The following PTPN14 variants were observed in gnomAD, a reference collection of about 807,000 sequenced individuals.
PTPN14 encodes the protein protein tyrosine phosphatase non-receptor type 14.
A neutral mutation model predicts 126.8 loss-of-function variants in PTPN14; 53 were observed. The ratio of observed to expected loss-of-function variants is 0.42; its 90% confidence interval spans 0.34 to 0.53. The LOEUF (loss-of-function observed/expected upper bound fraction) is 0.53. Ranked by LOEUF, PTPN14 falls within the 20% of genes least tolerant of loss-of-function variation. The probability of loss-of-function intolerance (pLI) is 0.08; values close to 1 mark genes in which losing one functional copy is unlikely to be tolerated. For missense variants in PTPN14, 1,257 were observed against 1,552.9 expected (o/e 0.81, Z 3.20); for synonymous variants, 630 against 599.3 (o/e 1.05, Z -0.75).
chr1:214,427,056 G>GGT (rs1460500429), intron 3 of PTPN14, among the ~76,000 whole-genome samples: 2 of 151,986 alleles, frequency 1.3e-5, no homozygotes, highest in Non-Finnish European at 2.9e-5. Context: ...CGAGGCGGGC[G>GGT]GATCACAAGG....
intron 2 of PTPN14, among the ~76,000 whole-genome samples, chr1:214,464,344 G>A (rs1161605081): frequency 1.3e-5 from 2 of 151,920 alleles, no homozygotes; most frequent in Non-Finnish European, 2.9e-5. Context: ...GACTTTGGTG[G>A]GGAGAGTCTC....
Position 214,401,747 on chromosome 1 carries a change from G to C in PTPN14, c.607C>G (p.Leu203Val). 6.3e-7 allele frequency: 1 copy of C among 1,592,682 alleles called. No homozygotes were observed. Among genetic ancestry groups the C allele is most frequent in the Non-Finnish European group, 8.6e-7 (1 of 1,162,212 alleles). ...HSGILPAEAE[L>V]MYINEVERLD... Reference sequence around the variant, plus strand: ...CGTTCAACTTCATTGATGTACATCAGTTCAGCTTCTGCTGGCAGGATTCCA... The same window carrying C: ...CGTTCAACTTCATTGATGTACATCACTTCAGCTTCTGCTGGCAGGATTCCA... The change falls in exon 7 of 19, where the codon CTG becomes GTG. Residue 203 changes from leucine to valine, a missense_variant. By Grantham distance (32) the Leu-to-Val change is conservative. Transcript: ENST00000366956.
In PTPN14 at chr1:214,467,854, C is replaced by T. The variant is rs141719596; in HGVS notation, c.-154-2897G>A. On this transcript the variant is annotated intron_variant, in intron 1 of 18. Transcript: ENST00000366956. ...AAAGACTTTTAAAATCTCCAGTTGACAAAAATACTTGCAAGATACGGTATC... is the reference window on the plus strand; with the variant it reads ...AAAGACTTTTAAAATCTCCAGTTGATAAAAATACTTGCAAGATACGGTATC... Among the ~76,000 whole-genome samples the T allele has an allele frequency of 8.2e-3, 1,244 of 152,110 alleles. 5 individuals carry two copies. The highest frequency in any genetic ancestry group is 0.014 in the Non-Finnish European group (922 of 67,992).
intron 1 of PTPN14, among the ~76,000 whole-genome samples, chr1:214,513,863 C>G (rs915372006): frequency 6.6e-6 from 1 of 152,118 alleles, no homozygotes. Flanking sequence ...AAAGTCGATT[C>G]TCATTAAATT....
chr1:214,527,167 C>A (rs1483827891), intron 1 of PTPN14, among the ~76,000 whole-genome samples: 2 of 152,032 alleles, frequency 1.3e-5, no homozygotes, highest in Non-Finnish European at 2.9e-5. Flanking sequence ...AGGAAAGCCC[C>A]CACCTTCTGC....
intron 5 of PTPN14, among the ~76,000 whole-genome samples, chr1:214,403,473 G>A (rs1209096513): frequency 2.0e-5 from 3 of 152,100 alleles, no homozygotes; most frequent in Admixed American, 1.3e-4. Flanking sequence ...AAGCCATGAC[G>A]GCTAAAACAT....
chr1:214,496,777 A>T lies in PTPN14; in HGVS notation c.-154-31820T>A, dbSNP rs151329831. ...ATGATTCAGTTTTAACTTAATATCT[A>T]ATTTGATCTATATTCCACAGAACTG... On this transcript the variant is annotated intron_variant, in intron 1 of 18. Coordinates refer to ENST00000366956, the MANE Select transcript of PTPN14 (RefSeq NM_005401.5). Among the ~76,000 whole-genome samples, 929 of 152,282 alleles carry T rather than the reference A, an allele frequency of 6.1e-3. 9 individuals carry two copies. Among genetic ancestry groups the T allele is most frequent in the African/African-American group, 0.022 (903 of 41,564 alleles).
At chr1:214,362,375 A>AG (rs1441011529) in intron 18 of PTPN14, among the ~76,000 whole-genome samples, 1 of 152,258 alleles carries the variant, frequency 6.6e-6, no homozygotes, top group Non-Finnish European at 1.5e-5. Flanking sequence ...ACCACGTCCC[A>AG]GCAAAGAATG....
Position 214,364,605 on chromosome 1 carries a change from G to A in PTPN14, c.3342C>T (p.His1114=), listed in dbSNP as rs1472851641. ...NSMLEGTKNR[H]PPIVVHCSAG... is the part of the protein sequence containing the mutation. ...CACTACAGTGGACCACGATGGGCGG[G>A]TGCCGGTTCTTGGTGCCTTCCAGCA... The change falls in exon 18 of 19, where the codon CAC becomes CAT. Residue 1114 remains histidine (H), a synonymous_variant. Coordinates refer to ENST00000366956, the MANE Select transcript of PTPN14 (RefSeq NM_005401.5). This position sits in a 1 kb window ranked among gnomAD's most constrained non-coding sequence, Gnocchi z 4.1. 3 of 1,614,114 alleles carry A rather than the reference G, an allele frequency of 1.9e-6. No homozygotes were observed. Among genetic ancestry groups the A allele is most frequent in the Admixed American group, 3.3e-5 (2 of 60,012 alleles).
chr1:214,476,460 T>C (rs987306748), intron 1 of PTPN14, among the ~76,000 whole-genome samples: 1 of 152,158 alleles, frequency 6.6e-6, no homozygotes, highest in African/African-American at 2.4e-5. Flanking sequence ...GTGACCTCCC[T>C]CAGCAAAGCT....
At chr1:214,515,041 C>A (rs763724081) in intron 1 of PTPN14, among the ~76,000 whole-genome samples, 1 of 152,166 alleles carries the variant, frequency 6.6e-6, no homozygotes, top group Admixed American at 6.5e-5. Context: ...ACAGCAAGAA[C>A]AGAAATTCTT....
At position 214,411,658 on chromosome 1, in the gene PTPN14, AT is replaced by A. The variant is rs1558090948; in HGVS notation, c.510+25del. ...AATGTCCAAAGAAGGTAGAAAATTA[AT>A]TAAGAAAAATGAAATTACACTTACC... On this transcript the variant is annotated intron_variant, in intron 5 of 18. Transcript: ENST00000366956. 5 of 1,424,102 alleles carry A rather than the reference AT, an allele frequency of 3.5e-6. No individual in the cohort carries two copies. The East Asian group carries it at 9.7e-5, about 28-fold the overall frequency. 88.2% of individuals were successfully genotyped at this position (1,424,102 alleles called of 1,614,324 possible). A position where few individuals can be genotyped will look rare whatever the true frequency, so the allele number is the denominator to read the frequency against.
At chr1:214,535,878 G>A (rs1408561327) in intron 1 of PTPN14, among the ~76,000 whole-genome samples, 1 of 151,954 alleles carries the variant, frequency 6.6e-6, no homozygotes, top group Non-Finnish European at 1.5e-5. Flanking sequence ...TGAGGGTAAA[G>A]CTGTGTTACC....
At chr1:214,436,613 T>C (rs1659922284) in intron 3 of PTPN14, among the ~76,000 whole-genome samples, 1 of 151,784 alleles carries the variant, frequency 6.6e-6, no homozygotes. Flanking sequence ...CTGGCCAACA[T>C]GGTGAAACCC....
chr1:214,412,486 A>G (rs1186573914), intron 4 of PTPN14, among the ~76,000 whole-genome samples: 1 of 152,216 alleles, frequency 6.6e-6, no homozygotes, highest in African/African-American at 2.4e-5. Context: ...AGTTGCTAGA[A>G]GGTAAAAAAT....
At chr1:214,400,888 G>C (rs932388715) in intron 7 of PTPN14, among the ~76,000 whole-genome samples, 1 of 152,150 alleles carries the variant, frequency 6.6e-6, no homozygotes, top group African/African-American at 2.4e-5. Flanking sequence ...AATTGCAAAC[G>C]TGCAACAGAG....
chr1:214,520,065 A>AAATATATAT, intron 1 of PTPN14, among the ~76,000 whole-genome samples: 4 of 71,110 alleles, frequency 5.6e-5, no homozygotes, highest in East Asian at 4.8e-4. Context: ...AAAAAAAAAA[A>AAATATATAT]ATATATATAT....
rs536171642 is a variant in PTPN14 at position 214,450,680 on chromosome 1, G to A, written c.344+1125C>T. On this transcript the variant is annotated intron_variant, in intron 3 of 18. Coordinates refer to ENST00000366956, the MANE Select transcript of PTPN14 (RefSeq NM_005401.5). ...CAGAATGACAAGGTCCGGGTAAAAG[G>A]CAAAAAGTAAAGGGTTTATGTGATT... Among the ~76,000 whole-genome samples, 6 of 152,188 alleles carry A rather than the reference G, an allele frequency of 3.9e-5. No homozygotes were observed. In the South Asian group the frequency reaches 1.2e-3, roughly 32 times the overall value.
intron 3 of PTPN14, among the ~76,000 whole-genome samples, chr1:214,415,491 G>A (rs1659405809): frequency 6.6e-6 from 1 of 152,120 alleles, no homozygotes; most frequent in Non-Finnish European, 1.5e-5. Context: ...TAGTCACAAC[G>A]ACAACAATCA....
Sources: allele counts gnomAD v4.1 joint callset (sites outside exome capture counted in the v4.1 genomes callset), GRCh38; gene constraint gnomAD v4.1.1; non-coding constraint Gnocchi (gnomAD v3.1); transcripts MANE v1.5; gene names NCBI Gene and HGNC (gene_info 2026-07-23, HGNC 2026-07-21).